The following SMIM7 variants were observed in gnomAD, a reference collection of about 807,000 sequenced individuals.
SMIM7 encodes small integral membrane protein 7, also known as UPF0608 protein C19orf42.
A neutral mutation model predicts 13.3 loss-of-function variants in SMIM7; 12 were observed. That is an observed-to-expected ratio of 0.90 (90% CI 0.58 to 1.46). The LOEUF (loss-of-function observed/expected upper bound fraction) is 1.46, where lower values mean the gene tolerates loss of function less well. Among genes scored for constraint, SMIM7 ranks in the 40% most tolerant of loss-of-function variants. The probability of loss-of-function intolerance (pLI) is 0.00; values close to 1 mark genes in which losing one functional copy is unlikely to be tolerated. For missense variants in SMIM7, 114 were observed against 94.8 expected (o/e 1.20, Z -0.84); for synonymous variants, 36 against 35.8 (o/e 1.01, Z -0.02).
chr19:16,652,804 C>T (rs2086544952), intron 4 of SMIM7: 2 of 1,535,262 alleles, frequency 1.3e-6, no homozygotes, highest in Non-Finnish European at 1.8e-6. Flanking sequence ...CTGGGGGAAG[C>T]ATACAGGGAT....
intron 4 of SMIM7, among the ~76,000 whole-genome samples, chr19:16,638,280 A>G (rs982774054): frequency 1.3e-5 from 2 of 150,538 alleles, no homozygotes; most frequent in African/African-American, 4.9e-5. Context: ...CCGTGAGGCA[A>G]TTAAACCTCT....
chr19:16,658,755 G>A (rs1312341064), intron 3 of SMIM7, among the ~76,000 whole-genome samples: 1 of 152,152 alleles, frequency 6.6e-6, no homozygotes, highest in Non-Finnish European at 1.5e-5. Context: ...AGGCATCGGA[G>A]GACGGGTACG....
chr19:16,639,354 C>T (rs1007130863), intron 4 of SMIM7, among the ~76,000 whole-genome samples: 1 of 152,072 alleles, frequency 6.6e-6, no homozygotes, highest in South Asian at 2.1e-4. Context: ...GATCTCCTGA[C>T]CTCATGATCT....
chr19:16,642,823 CT>C (rs11323250), downstream of SMIM7, among the ~76,000 whole-genome samples: 25,606 of 133,214 alleles, frequency 0.19, 1,825 homozygotes, highest in African/African-American at 0.27. Flanking sequence ...GAGACCTTAT[CT>C]TTTTTTTTTT....
At chr19:16,653,115 A>T (rs1316339071) in intron 4 of SMIM7, among the ~76,000 whole-genome samples, 1 of 152,242 alleles carries the variant, frequency 6.6e-6, no homozygotes, top group East Asian at 1.9e-4. Context: ...GTGAGACGTG[A>T]CAGGGCCATG....
chr19:16,634,908 C>T (rs1342738864), intron 4 of SMIM7: 2 of 152,154 alleles, frequency 1.3e-5, no homozygotes, highest in African/African-American at 4.8e-5. Flanking sequence ...ACCTGCCCCA[C>T]CTGGGTTCCT....
chr19:16,639,342 T>C (rs1420756946), intron 4 of SMIM7, among the ~76,000 whole-genome samples: 1 of 152,100 alleles, frequency 6.6e-6, no homozygotes, highest in East Asian at 1.9e-4. Context: ...CAGGATGGTC[T>C]CGATCTCCTG....
At chr19:16,631,868 G>T (rs2086323794) in intron 4 of SMIM7, 1 of 151,688 alleles carries the variant, frequency 6.6e-6, no homozygotes, top group African/African-American at 2.4e-5. Context: ...ACAGGCGGGT[G>T]GAATTTTTTT....
At chr19:16,657,663 C>A (rs1441680568) in intron 3 of SMIM7, among the ~76,000 whole-genome samples, 1 of 152,186 alleles carries the variant, frequency 6.6e-6, no homozygotes, top group African/African-American at 2.4e-5. Flanking sequence ...GAATGCAACA[C>A]TAACAGGAAG....
chr19:16,659,638 C>T, intron 2 of SMIM7, 191 bp from the exon 3 acceptor site: 1 of 679,084 alleles, frequency 1.5e-6, no homozygotes, highest in Non-Finnish European at 2.5e-6. Context: ...AGGTCAGCAG[C>T]CACCGACCGT....
At chr19:16,652,837 C>G (rs1352945214) in intron 4 of SMIM7, 1 of 1,549,652 alleles carries the variant, frequency 6.5e-7, no homozygotes, top group East Asian at 2.4e-5. Flanking sequence ...GCCAAGAACA[C>G]CAGATTCTCC....
At chr19:16,651,977 G>A (rs762779384) in intron 4 of SMIM7, among the ~76,000 whole-genome samples, 9 of 149,420 alleles carry the variant, frequency 6.0e-5, no homozygotes, top group Non-Finnish European at 1.2e-4. Context: ...ACGAGAATGA[G>A]GGAAGCATGC....
At chr19:16,659,712 G>A (rs1212501567) in intron 2 of SMIM7, 4 of 653,052 alleles carry the variant, frequency 6.1e-6, no homozygotes, top group South Asian at 1.9e-5. Context: ...ATTTCTTGGG[G>A]GATGGGGCTT....
downstream of SMIM7, among the ~76,000 whole-genome samples, chr19:16,642,823 C>CA (rs542332329): frequency 7.5e-6 from 1 of 133,512 alleles, no homozygotes; most frequent in African/African-American, 2.9e-5. Flanking sequence ...GAGACCTTAT[C>CA]TTTTTTTTTT....
At chr19:16,640,382 C>T (rs2086396240) in intron 4 of SMIM7, 1 of 152,094 alleles carries the variant, frequency 6.6e-6, no homozygotes, top group Admixed American at 6.6e-5. Flanking sequence ...TTTCCTTTTA[C>T]ACAAACAGCA....
At position 16,655,875 on chromosome 19, in the gene SMIM7, G is replaced by A. The variant is rs117330144; in HGVS notation, c.122-1750C>T. On this transcript the variant is annotated intron_variant, in intron 3 of 4. Coordinates refer to ENST00000487416, the MANE Select transcript of SMIM7 (RefSeq NM_024104.4). ...GAGCTTGTGCTGAACACACCATCTT[G>A]CTGAAAACGGTTTAGACGAGCCTAG... Among the ~76,000 whole-genome samples the A allele has an allele frequency of 5.5e-4, 83 of 152,160 alleles. 2 individuals carry two copies. The East Asian group carries it at 0.016, about 29-fold the overall frequency.
chr19:16,630,805 G>C (rs1355919099), exon 5 of SMIM7: 3 of 152,234 alleles, frequency 2.0e-5, no homozygotes, highest in Non-Finnish European at 2.9e-5. Context: ...TAAATGCAAA[G>C]ATTAAATCAG....
chr19:16,633,922 G>A (rs1763159165), intron 4 of SMIM7: 1 of 152,120 alleles, frequency 6.6e-6, no homozygotes, highest in South Asian at 2.1e-4. Context: ...AATGACAGAT[G>A]ATGTTTATTT....
intron 4 of SMIM7, chr19:16,652,462 A>G (rs2086539392): frequency 1.0e-5 from 9 of 894,812 alleles, no homozygotes; most frequent in Non-Finnish European, 1.2e-5. Flanking sequence ...TTGGCCTCCC[A>G]AAGTACTGGG....
Sources: gnomAD v4.1 joint callset for allele counts (sites outside exome capture counted in the v4.1 genomes callset) on GRCh38, gnomAD v4.1.1 for gene constraint, MANE v1.5 for transcripts, NCBI Gene and HGNC (gene_info 2026-07-23, HGNC 2026-07-21) for gene names.